Variants in INSC observed in about 807,000 individuals in gnomAD.
The protein encoded by INSC is protein inscuteable homolog.
INSC carries 67 observed loss-of-function variants against 58.6 expected under a neutral mutation model. That is an observed-to-expected ratio of 1.14 (90% confidence interval 0.94 to 1.40). INSC has a LOEUF of 1.40. Among genes scored for constraint, INSC ranks in the 40% most tolerant of loss-of-function variants. The pLI, the probability that INSC is intolerant of heterozygous loss-of-function variation, is 0.00. For missense variants in INSC, 714 were observed against 692.0 expected (o/e 1.03, Z -0.36); for synonymous variants, 262 against 276.1 (o/e 0.95, Z 0.51).
At chr11:15,151,905 A>G (rs1848663572) in intron 2 of INSC, among the ~76,000 whole-genome samples, 1 of 152,028 alleles carries the variant, frequency 6.6e-6, no homozygotes, top group African/African-American at 2.4e-5. Context: ...GGCATTTAGA[A>G]TTTTTCTCTC....
chr11:15,193,862 G>A (rs560949453), intron 6 of INSC, among the ~76,000 whole-genome samples: 9 of 152,228 alleles, frequency 5.9e-5, no homozygotes, highest in South Asian at 2.1e-4. Context: ...TTGAGGAATC[G>A]CCACACTGCT....
At position 15,246,023 on chromosome 11, in the gene INSC, G is replaced by C. The variant is rs559946284; in HGVS notation, c.1582G>C (p.Glu528Gln). 6.2e-7 allele frequency: 1 copy of C among 1,614,146 alleles called. No homozygotes were observed. Among genetic ancestry groups the C allele is most frequent in the Non-Finnish European group, 8.5e-7 (1 of 1,179,998 alleles). Residue 528 changes from glutamate (E) to glutamine (Q), a missense_variant, in exon 13 of 13, where the codon GAG becomes CAG. By Grantham distance (29) the Glu-to-Gln change is conservative. Transcript: ENST00000379556. The part of the protein sequence containing the change: ...VDSFLLCSNM[E>Q]ESFV ...CTCCTTCTTACTCTGCAGCAACATGGAGGAGAGTTTTGTGTAGTGAGTGTG... is the reference window on the plus strand; with the variant it reads ...CTCCTTCTTACTCTGCAGCAACATGCAGGAGAGTTTTGTGTAGTGAGTGTG...
At chr11:15,179,204 C>G (rs1408833783) in intron 5 of INSC, among the ~76,000 whole-genome samples, 1 of 152,118 alleles carries the variant, frequency 6.6e-6, no homozygotes, top group Non-Finnish European at 1.5e-5. Context: ...GAGGACTAAG[C>G]AAAGGCATAT....
intron 2 of INSC, among the ~76,000 whole-genome samples, chr11:15,151,835 C>T (rs376194794): frequency 9.9e-5 from 15 of 152,276 alleles, no homozygotes; most frequent in Admixed American, 3.3e-4. Context: ...GGGCTGGGTC[C>T]AGATGTCCCC....
At chr11:15,124,971 A>C (rs1460410902) in intron 1 of INSC, among the ~76,000 whole-genome samples, 1 of 152,342 alleles carries the variant, frequency 6.6e-6, no homozygotes, top group South Asian at 2.1e-4. Flanking sequence ...TGAGCAAAGC[A>C]CATATTTCAT....
chr11:15,229,083 G>A (rs1851749399), intron 9 of INSC, among the ~76,000 whole-genome samples: 1 of 152,132 alleles, frequency 6.6e-6, no homozygotes, highest in African/African-American at 2.4e-5. Flanking sequence ...CTCCAAATTT[G>A]TTGGTGAACT....
At chr11:15,113,083 T>TCTTC (rs1208338294), upstream of INSC, among the ~76,000 whole-genome samples, 5 of 151,254 alleles carry the variant, frequency 3.3e-5, no homozygotes, top group South Asian at 4.3e-4. Context: ...TCCCTTCCTT[T>TCTTC]CTTCCTTCCT....
At chr11:15,171,753 T>C (rs971321790) in intron 2 of INSC, among the ~76,000 whole-genome samples, 3 of 152,242 alleles carry the variant, frequency 2.0e-5, no homozygotes, top group African/African-American at 7.2e-5. Flanking sequence ...CTCTTGGACT[T>C]GTCTCCCCAC....
chr11:15,115,125 T>C (rs1272651089), intron 1 of INSC, 122 bp downstream of exon 1: 5 of 592,684 alleles, frequency 8.4e-6, no homozygotes, highest in Non-Finnish European at 1.1e-5. Context: ...GTGGGAGTGC[T>C]TGTGAAGGGG....
At chr11:15,191,772 C>T (rs1312067421) in intron 6 of INSC, among the ~76,000 whole-genome samples, 2 of 152,184 alleles carry the variant, frequency 1.3e-5, no homozygotes, top group Non-Finnish European at 2.9e-5. Context: ...TCTCTGGGTT[C>T]CCATCCAGTG....
At chr11:15,158,724 A>C (rs1378487109) in intron 2 of INSC, among the ~76,000 whole-genome samples, 1 of 152,098 alleles carries the variant, frequency 6.6e-6, no homozygotes, top group Non-Finnish European at 1.5e-5. Context: ...GGGGGTAATA[A>C]TACTACTTCC....
chr11:15,140,388 A>G (rs2133724563), intron 1 of INSC, among the ~76,000 whole-genome samples: 1 of 152,248 alleles, frequency 6.6e-6, no homozygotes. Flanking sequence ...CAGGTGGAGA[A>G]CTAAGGCTCC....
chr11:15,169,261 G>A (rs1849308513), intron 2 of INSC, among the ~76,000 whole-genome samples: 1 of 152,190 alleles, frequency 6.6e-6, no homozygotes, highest in South Asian at 2.1e-4. Context: ...TTCATCTGTA[G>A]GACAGATGAT....
Position 15,190,753 on chromosome 11 carries a change from C to T in INSC, c.632C>T (p.Thr211Ile). The T allele has an allele frequency of 2.5e-6, 4 of 1,613,942 alleles. No individual in the cohort carries two copies. The highest frequency in any genetic ancestry group is 3.4e-6 in the Non-Finnish European group (4 of 1,179,820). ...ASDNIYTTES[T>I]TGNLFSLTQE... ...GACAATATCTACACCACAGAGTCCA[C>T]CACAGGGAACCTGTTCAGCCTGACC... Residue 211 changes from threonine to isoleucine, a missense_variant, in exon 6 of 13, where the codon ACC becomes ATC. By Grantham distance (89) the Thr-to-Ile change is moderately conservative. Coordinates refer to ENST00000379556, the MANE Select transcript of INSC (RefSeq NM_001042536.3).
In INSC at chr11:15,175,742, C is replaced by G. The variant is rs1349852417; in HGVS notation, c.58C>G (p.Leu20Val). ...CGTGGTGCTGTTTCCTGGTTGCAGG[C>G]TACACCTGATGCAGGTGGACTCAGT... ...LDSVTLPGQR[L>V]HLMQVDSVQR... is the part of the protein sequence containing the mutation. The change falls in exon 3 of 13, where the codon CTA (leucine) becomes GTA (valine). Residue 20 changes from leucine to valine, a missense_variant and splice_region_variant. Transcript: ENST00000379556. 1 of 1,552,222 alleles carries G rather than the reference C, an allele frequency of 6.4e-7. No homozygotes were observed. Among genetic ancestry groups the G allele is most frequent in the East Asian group, 2.3e-5 (1 of 43,836 alleles).
chr11:15,202,100 G>A (rs1212711647), intron 7 of INSC, among the ~76,000 whole-genome samples: 1 of 152,160 alleles, frequency 6.6e-6, no homozygotes, highest in East Asian at 1.9e-4. Context: ...AGATGACAAG[G>A]CTATGGGTCA....
intron 1 of INSC, among the ~76,000 whole-genome samples, chr11:15,134,070 T>G (rs1848185183): frequency 6.6e-6 from 1 of 152,154 alleles, no homozygotes; most frequent in South Asian, 2.1e-4. Flanking sequence ...CTTAGAAAAT[T>G]ATTGAAGCTC....
chr11:15,208,893 C>T (rs1013247333), intron 7 of INSC, among the ~76,000 whole-genome samples: 1 of 152,138 alleles, frequency 6.6e-6, no homozygotes, highest in Non-Finnish European at 1.5e-5. Context: ...CTGGTGGTCT[C>T]TGGGCTCCAG....
rs746748991 is a variant in INSC, at chr11:15,176,028, G to A, written c.344G>A (p.Arg115His). 6 of 1,580,830 alleles carry A rather than the reference G, an allele frequency of 3.8e-6. No homozygotes were observed. Among genetic ancestry groups the A allele is most frequent in the South Asian group, 1.1e-5 (1 of 87,548 alleles). The stretch of plus-strand genomic sequence containing the variant: ...AGCGTGCGTCTGACCTGCCATGCCC[G>A]CTCCATGGTCAGCGAGTACAGTGCT... Reference protein sequence around the residue: ...SMSVRLTCHARSMVSEYSAVS... With the variant: ...SMSVRLTCHAHSMVSEYSAVS... The change falls in exon 3 of 13, where the codon CGC becomes CAC. Residue 115 changes from arginine (R) to histidine (H), a missense_variant. Physicochemically the swap from Arg to His is conservative, Grantham distance 29. Transcript: ENST00000379556.
Sources: gnomAD v4.1 joint callset for allele counts (sites outside exome capture counted in the v4.1 genomes callset) on GRCh38, gnomAD v4.1.1 for gene constraint, MANE v1.5 for transcripts, NCBI Gene and HGNC (gene_info 2026-07-23, HGNC 2026-07-21) for gene names.